Variants in ROBO1 observed in about 807,000 individuals in gnomAD.
ROBO1 encodes roundabout homolog 1.
Under a neutral mutation model 195.9 loss-of-function variants are expected in ROBO1, and 149 were observed. The ratio of observed to expected loss-of-function variants is 0.76; its 90% CI spans 0.67 to 0.87. ROBO1 has a LOEUF of 0.87. ROBO1 is among the 40% of genes least tolerant of loss of function. The pLI, the probability that ROBO1 is intolerant of heterozygous loss-of-function variation, is 0.00. For missense variants in ROBO1, 1,933 were observed against 2,068.3 expected, an observed-to-expected ratio of 0.93 and a Z score of 1.27; for synonymous variants, 816 against 733.2, an observed-to-expected ratio of 1.11 and a Z score of -1.82.
intron 4 of ROBO1, among the ~76,000 whole-genome samples, chr3:78,907,225 C>A (rs1345451658): frequency 1.3e-5 from 2 of 151,914 alleles, no homozygotes; most frequent in Non-Finnish European, 2.9e-5. Flanking sequence ...TTTACCCATG[C>A]ATGATTTTGA....
chr3:79,653,148 C>A (rs1395179611), intron 1 of ROBO1, among the ~76,000 whole-genome samples: 1 of 151,518 alleles, frequency 6.6e-6, no homozygotes, highest in Non-Finnish European at 1.5e-5. Flanking sequence ...AGGATTATTA[C>A]AAATGTTATA....
At chr3:78,757,553 G>GTT (rs1223168274) in intron 4 of ROBO1, among the ~76,000 whole-genome samples, 1 of 152,092 alleles carries the variant, frequency 6.6e-6, no homozygotes, top group African/African-American at 2.4e-5. Flanking sequence ...CGGAGCAGGG[G>GTT]TGATAATGGT....
intron 8 of ROBO1, among the ~76,000 whole-genome samples, chr3:78,707,725 G>A (rs565458993): frequency 1.3e-5 from 2 of 152,260 alleles, no homozygotes; most frequent in East Asian, 3.9e-4. Flanking sequence ...TCTTTGAACA[G>A]AGCTTCAAAA....
intron 5 of ROBO1, among the ~76,000 whole-genome samples, chr3:78,724,828 AG>A (rs1205416647): frequency 3.9e-5 from 6 of 152,208 alleles, no homozygotes; most frequent in Non-Finnish European, 7.3e-5. Flanking sequence ...TACATAGGGA[AG>A]AAAAATATGT....
rs531587562 is a variant in ROBO1 at position 79,292,839 on chromosome 3, T to G, written c.89-167300A>C. Among the ~76,000 whole-genome samples the G allele has an allele frequency of 2.6e-5, 4 of 152,296 alleles. No homozygotes were observed. In the South Asian group the frequency reaches 8.3e-4, roughly 32 times the overall value. ...CCAGGATATTGGGCTGAAATTTCCT[T>G]TTTTTGTTGTGTCTCTGCCAGGTTT... is the stretch of plus-strand genomic sequence containing the variant. On this transcript the variant is annotated intron_variant, in intron 2 of 30. Transcript: ENST00000464233.
chr3:78,887,750 T>C (rs569746377), intron 4 of ROBO1, among the ~76,000 whole-genome samples: 7 of 152,290 alleles, frequency 4.6e-5, no homozygotes, highest in African/African-American at 1.2e-4. Context: ...TGGTGTAACA[T>C]AGATATGTTA....
intron 2 of ROBO1, among the ~76,000 whole-genome samples, chr3:79,527,113 A>G (rs1941464763): frequency 6.6e-6 from 1 of 152,164 alleles, no homozygotes; most frequent in Non-Finnish European, 1.5e-5. Flanking sequence ...AGTAGATATT[A>G]TGTTATTTAA....
chr3:79,679,261 A>G (rs978966897), intron 1 of ROBO1, among the ~76,000 whole-genome samples: 2 of 152,052 alleles, frequency 1.3e-5, no homozygotes, highest in Admixed American at 6.6e-5. Context: ...ATTTTGAAAC[A>G]ACGTGTCTTT....
chr3:78,870,596 C>CT (rs1174507835), intron 4 of ROBO1, among the ~76,000 whole-genome samples: 2 of 152,168 alleles, frequency 1.3e-5, no homozygotes, highest in Admixed American at 1.3e-4. Context: ...CTTGCACTGC[C>CT]TTACCAAAAG....
chr3:79,381,927 T>G (rs1266121185), intron 2 of ROBO1, among the ~76,000 whole-genome samples: 1 of 152,132 alleles, frequency 6.6e-6, no homozygotes, highest in African/African-American at 2.4e-5. Flanking sequence ...ACTCCCTATA[T>G]CCCTACAACC....
intron 1 of ROBO1, among the ~76,000 whole-genome samples, chr3:79,727,843 T>C (rs770889379): frequency 2.0e-5 from 3 of 152,134 alleles, no homozygotes; most frequent in Non-Finnish European, 4.4e-5. Flanking sequence ...AGGACAAACA[T>C]TTTTCAAAAC....
chr3:78,639,653 A>G lies in ROBO1; in HGVS notation c.3037+91T>C, dbSNP rs1178604856. On this transcript the variant is annotated intron_variant, in intron 22 of 30. Coordinates refer to ENST00000464233, the MANE Select transcript of ROBO1 (RefSeq NM_002941.4). ...TTGGATAAAATACGGGTCAAATTTT[A>G]TCTTTCCCATGTAGGGAGAGGGAAA... 10 of 1,269,498 alleles carry G rather than the reference A, an allele frequency of 7.9e-6. No homozygotes were observed. The Middle Eastern group carries it at 1.2e-3, about 153-fold the overall frequency. 78.6% of individuals were successfully genotyped at this position (1,269,498 alleles called of 1,614,324 possible).
chr3:79,308,377 G>C (rs1179691774), intron 2 of ROBO1, among the ~76,000 whole-genome samples: 1 of 152,134 alleles, frequency 6.6e-6, no homozygotes, highest in Non-Finnish European at 1.5e-5. Context: ...ATTTACTTTT[G>C]TGAAAAATGT....
chr3:78,807,135 T>C (rs1317669709), intron 4 of ROBO1, among the ~76,000 whole-genome samples: 2 of 152,138 alleles, frequency 1.3e-5, no homozygotes, highest in African/African-American at 4.8e-5. Context: ...TAAAGGACAT[T>C]GCATTTCTTT....
rs746493173 is a variant in ROBO1, at chr3:78,651,729, T to C, written c.2812+3A>G. ...AATATGAAAACCTTGGGAAAGCTAATACCTTTTCTGATACCCGCGTAGGTA... is the reference window on the plus strand; with the variant it reads ...AATATGAAAACCTTGGGAAAGCTAACACCTTTTCTGATACCCGCGTAGGTA... On this transcript the variant is annotated splice_donor_region_variant and intron_variant, in intron 19 of 30. Coordinates refer to ENST00000464233, the MANE Select transcript of ROBO1 (RefSeq NM_002941.4). 1 of 1,579,706 alleles carries C rather than the reference T, an allele frequency of 6.3e-7. No individual in the cohort carries two copies. Among genetic ancestry groups the C allele is most frequent in the Non-Finnish European group, 8.6e-7 (1 of 1,164,892 alleles).
intron 4 of ROBO1, among the ~76,000 whole-genome samples, chr3:78,882,417 G>A (rs113402010): frequency 1.3e-4 from 20 of 152,098 alleles, no homozygotes; most frequent in African/African-American, 4.8e-4. Context: ...CAACGCCACT[G>A]TGTACTGCCA....
intron 3 of ROBO1, among the ~76,000 whole-genome samples, chr3:79,054,136 G>A (rs934113981): frequency 3.9e-5 from 6 of 151,992 alleles, no homozygotes; most frequent in Admixed American, 3.3e-4. Flanking sequence ...CGGACTAATG[G>A]CATTCTAATT....
chr3:79,144,381 G>C (rs115616666), intron 2 of ROBO1, among the ~76,000 whole-genome samples: 1 of 151,932 alleles, frequency 6.6e-6, no homozygotes, highest in African/African-American at 2.4e-5. Context: ...CTGAGAGCTC[G>C]TTCCTTTTCT....
At chr3:79,287,873 A>AT (rs1417294097) in intron 2 of ROBO1, among the ~76,000 whole-genome samples, 1 of 150,502 alleles carries the variant, frequency 6.6e-6, no homozygotes, top group African/African-American at 2.5e-5. Context: ...GCAGTTATAT[A>AT]GTTTTTTTCT....
Sources: gnomAD v4.1 joint callset for allele counts (sites outside exome capture counted in the v4.1 genomes callset) on GRCh38, gnomAD v4.1.1 for gene constraint, MANE v1.5 for transcripts, NCBI Gene and HGNC (gene_info 2026-07-23, HGNC 2026-07-21) for gene names.